Variants in TMEM163 observed in about 807,000 individuals in gnomAD.
The protein encoded by TMEM163 is transmembrane protein 163.
In TMEM163, 17 loss-of-function variants were observed where a neutral mutation model predicts 29.3. The ratio of observed to expected loss-of-function variants is 0.58; its 90% CI spans 0.40 to 0.87. TMEM163 has a LOEUF of 0.87. Ranked by LOEUF, TMEM163 falls within the 40% of genes least tolerant of loss-of-function variation. The pLI, the probability that TMEM163 is intolerant of heterozygous loss-of-function variation, is 0.00. For missense variants in TMEM163, 303 were observed against 381.5 expected (o/e 0.79, Z 1.71); for synonymous variants, 157 against 160.6 (o/e 0.98, Z 0.17).
intron 2 of TMEM163, among the ~76,000 whole-genome samples, chr2:134,636,799 ATTT>A (rs1218619756): frequency 6.6e-6 from 1 of 152,232 alleles, no homozygotes; most frequent in Non-Finnish European, 1.5e-5. Context: ...TGCTTGATAT[ATTT>A]TGCAGATTCT....
chr2:134,586,501 T>C (rs568177577), intron 2 of TMEM163, among the ~76,000 whole-genome samples: 1 of 152,330 alleles, frequency 6.6e-6, no homozygotes, highest in Admixed American at 6.5e-5. Flanking sequence ...CCCCTTTTCA[T>C]AAGGACGCTA....
intron 4 of TMEM163, among the ~76,000 whole-genome samples, chr2:134,529,413 C>T (rs1447402633): frequency 6.6e-6 from 1 of 151,986 alleles, no homozygotes; most frequent in African/African-American, 2.4e-5. Context: ...GCTAACCATT[C>T]TCTGGGTGGT....
chr2:134,624,728 G>A (rs1395308820), intron 2 of TMEM163, among the ~76,000 whole-genome samples: 1 of 152,026 alleles, frequency 6.6e-6, no homozygotes, highest in Non-Finnish European at 1.5e-5. Flanking sequence ...AGGGAACATG[G>A]CGAAACCCCG....
intron 2 of TMEM163, among the ~76,000 whole-genome samples, chr2:134,671,410 A>G (rs1295531046): frequency 4.6e-5 from 7 of 151,964 alleles, no homozygotes; most frequent in Non-Finnish European, 1.0e-4. Context: ...ACAGATGACC[A>G]TGGCGCTGCC....
chr2:134,594,863 C>G (rs1351395405), intron 2 of TMEM163, among the ~76,000 whole-genome samples: 4 of 151,376 alleles, frequency 2.6e-5, no homozygotes, highest in Admixed American at 2.0e-4. Context: ...CTCTCTCTCT[C>G]TCTCTCTCTC....
intron 2 of TMEM163, among the ~76,000 whole-genome samples, chr2:134,655,088 T>C (rs1235857462): frequency 2.3e-5 from 3 of 129,442 alleles, no homozygotes; most frequent in African/African-American, 3.6e-5. Context: ...AATCTGAACG[T>C]TGGCCTGCCT....
intron 2 of TMEM163, among the ~76,000 whole-genome samples, chr2:134,560,855 G>C (rs1681155049): frequency 6.6e-6 from 1 of 152,186 alleles, no homozygotes; most frequent in South Asian, 2.1e-4. Context: ...GCATTCCTGG[G>C]ACATGGGCAG....
chr2:134,638,086 T>G (rs953343027), intron 2 of TMEM163, among the ~76,000 whole-genome samples: 7 of 152,248 alleles, frequency 4.6e-5, no homozygotes, highest in African/African-American at 1.7e-4. Context: ...AGAGACGTAT[T>G]AATATATACA....
intron 2 of TMEM163, among the ~76,000 whole-genome samples, chr2:134,553,236 C>A (rs1680971499): frequency 6.6e-6 from 1 of 152,182 alleles, no homozygotes; most frequent in Non-Finnish European, 1.5e-5. Context: ...GGCACAGAGG[C>A]CAGTGCCTAC....
rs373282805 is a variant in TMEM163, at chr2:134,505,239, C to CCTTTTTTTTT, written c.459-2243_459-2242insAAAAAAAAAG. ...CACATTGTACTCACCTGGGGAATTC[C>CCTTTTTTTTT]TTTTTTTTTTTTTTTTTTTTTTAAA... On this transcript the variant is annotated intron_variant, in intron 4 of 7. Coordinates refer to ENST00000281924, the MANE Select transcript of TMEM163 (RefSeq NM_030923.5). Among the ~76,000 whole-genome samples the CCTTTTTTTTT allele has an allele frequency of 3.1e-5, 4 of 130,234 alleles. 1 individual carries two copies. Among genetic ancestry groups the CCTTTTTTTTT allele is most frequent in the Non-Finnish European group, 4.7e-5 (3 of 63,176 alleles). The allele number at this position is 130,234 out of a possible 152,430, so 85.4% of individuals were successfully genotyped here.
At position 134,456,773 on chromosome 2, in the gene TMEM163, G is replaced by A. The variant is rs539702936; in HGVS notation, c.813C>T (p.Leu271=). ...GLTIFAYGVK[L]LIDMVPRVRQ... is the part of the protein sequence containing the mutation. Reference sequence around the variant, plus strand: ...TCACCCTCGGCACCATGTCGATGAGGAGTCTGCAAAGACGAAGACAGACAA... The same window carrying A: ...TCACCCTCGGCACCATGTCGATGAGAAGTCTGCAAAGACGAAGACAGACAA... Residue 271 remains leucine (L), a synonymous_variant, in exon 8 of 8, where the codon CTC becomes CTT. Transcript: ENST00000281924. 6.2e-7 allele frequency: 1 copy of A among 1,613,734 alleles called. No individual in the cohort carries two copies. The highest frequency in any genetic ancestry group is 1.1e-5 in the South Asian group (1 of 90,896).
chr2:134,575,389 GC>G (rs1273061146), intron 2 of TMEM163, among the ~76,000 whole-genome samples: 2 of 151,984 alleles, frequency 1.3e-5, no homozygotes, highest in Non-Finnish European at 2.9e-5. Flanking sequence ...GCCGAGAATC[GC>G]CCCCTCAGCT....
intron 4 of TMEM163, among the ~76,000 whole-genome samples, chr2:134,543,566 T>G (rs1016005793): frequency 3.3e-5 from 5 of 152,232 alleles, no homozygotes; most frequent in Non-Finnish European, 5.9e-5. Flanking sequence ...TATAACTCAT[T>G]GCCTTCACAG....
intron 3 of TMEM163, 41 bp from the exon 4 acceptor site, chr2:134,550,702 A>G (rs1680897872): frequency 6.4e-7 from 1 of 1,568,850 alleles, no homozygotes; most frequent in Non-Finnish European, 8.8e-7. Context: ...TTCCACAGTT[A>G]ATAGCACACA....
In TMEM163 at chr2:134,488,880, A is replaced by G. The variant is rs183042981; in HGVS notation, c.555+14021T>C. Reference sequence around the variant, plus strand: ...CAGCAGATGCATAAAAATATAATCAACTTCACCAATAACCAGGGGAGAGCA... The same window carrying G: ...CAGCAGATGCATAAAAATATAATCAGCTTCACCAATAACCAGGGGAGAGCA... On this transcript the variant is annotated intron_variant, in intron 5 of 7. Coordinates refer to ENST00000281924, the MANE Select transcript of TMEM163 (RefSeq NM_030923.5). Among the ~76,000 whole-genome samples, 7 of 152,316 alleles carry G rather than the reference A, an allele frequency of 4.6e-5. No homozygotes were observed. The East Asian group carries it at 9.6e-4, about 21-fold the overall frequency.
chr2:134,619,983 A>C (rs1682694159), intron 2 of TMEM163, among the ~76,000 whole-genome samples: 1 of 152,252 alleles, frequency 6.6e-6, no homozygotes, highest in Admixed American at 6.5e-5. Flanking sequence ...ATAAAGTGTA[A>C]GACTCGTACA....
At chr2:134,481,600 T>C (rs976320846) in intron 5 of TMEM163, among the ~76,000 whole-genome samples, 4 of 152,224 alleles carry the variant, frequency 2.6e-5, no homozygotes, top group Non-Finnish European at 5.9e-5. Flanking sequence ...GTCTCCGGTA[T>C]GTCTTTATCA....
At chr2:134,525,329 A>C (rs1680270605) in intron 4 of TMEM163, among the ~76,000 whole-genome samples, 4 of 152,224 alleles carry the variant, frequency 2.6e-5, no homozygotes, top group Admixed American at 2.6e-4. Flanking sequence ...ACAAGCCCTC[A>C]GCAGATTCTG....
At chr2:134,691,674 A>G (rs1161198003) in intron 2 of TMEM163, among the ~76,000 whole-genome samples, 1 of 152,172 alleles carries the variant, frequency 6.6e-6, no homozygotes, top group Non-Finnish European at 1.5e-5. Flanking sequence ...TCCAATGCTC[A>G]TGCCCATCTC....
Sources: gnomAD v4.1 joint callset for allele counts (sites outside exome capture counted in the v4.1 genomes callset) on GRCh38, gnomAD v4.1.1 for gene constraint, MANE v1.5 for transcripts, NCBI Gene and HGNC (gene_info 2026-07-23, HGNC 2026-07-21) for gene names.